CTNNA3: variants seen among roughly 807,000 people sequenced by gnomAD.
The protein encoded by CTNNA3 is catenin alpha-3.
In CTNNA3, 76 loss-of-function variants were observed where a neutral mutation model predicts 95.7. The ratio of observed to expected loss-of-function variants is 0.79; its 90% CI spans 0.66 to 0.96. CTNNA3 has a LOEUF of 0.96. Ranked by LOEUF, CTNNA3 falls within the 40% of genes least tolerant of loss-of-function variation. The pLI is 0.00. For missense variants in CTNNA3, 1,191 were observed against 1,089.8 expected, an observed-to-expected ratio of 1.09 and a Z score of -1.31; for synonymous variants, 431 against 374.4, an observed-to-expected ratio of 1.15 and a Z score of -1.74.
intron 6 of CTNNA3, among the ~76,000 whole-genome samples, chr10:67,193,839 C>T (rs774275108): frequency 4.9e-5 from 7 of 143,224 alleles, no homozygotes; most frequent in Non-Finnish European, 8.9e-5. Context: ...AATTTATATT[C>T]CTTTGGGTCA....
At chr10:66,535,438 G>A (rs1841617751) in intron 10 of CTNNA3, among the ~76,000 whole-genome samples, 1 of 152,164 alleles carries the variant, frequency 6.6e-6, no homozygotes, top group South Asian at 2.1e-4. Context: ...TTTCCTGGGA[G>A]TTGGACTATG....
intron 17 of CTNNA3, among the ~76,000 whole-genome samples, chr10:65,939,725 G>A (rs971988523): frequency 3.3e-5 from 5 of 151,916 alleles, no homozygotes; most frequent in Non-Finnish European, 5.9e-5. Context: ...TACATTATGC[G>A]CTCAAACTAC....
chr10:67,018,793 A>G (rs1852813655), intron 7 of CTNNA3, among the ~76,000 whole-genome samples: 1 of 152,268 alleles, frequency 6.6e-6, no homozygotes, highest in Admixed American at 6.5e-5. Context: ...AAAACAGTTC[A>G]TGGAAGGTGT....
At chr10:67,683,376 C>A (rs546625152) in intron 1 of CTNNA3, among the ~76,000 whole-genome samples, 68 of 152,242 alleles carry the variant, frequency 4.5e-4, no homozygotes, top group African/African-American at 1.6e-3. Flanking sequence ...GTATTTATCT[C>A]CAGACTAAGA....
chr10:67,256,706 A>C (rs1279863564), intron 5 of CTNNA3, among the ~76,000 whole-genome samples: 1 of 152,128 alleles, frequency 6.6e-6, no homozygotes, highest in African/African-American at 2.4e-5. Flanking sequence ...TTTATTTCCC[A>C]CCAGGAAGGA....
At chr10:66,469,543 G>C in intron 11 of CTNNA3, among the ~76,000 whole-genome samples, 1 of 151,818 alleles carries the variant, frequency 6.6e-6, no homozygotes, top group East Asian at 1.9e-4. Flanking sequence ...AAAATAGTGA[G>C]ATATCTACTT....
At chr10:65,952,113 T>C (rs2077629996) in intron 17 of CTNNA3, among the ~76,000 whole-genome samples, 1 of 152,054 alleles carries the variant, frequency 6.6e-6, no homozygotes, top group Non-Finnish European at 1.5e-5. Context: ...ATAAAGAGAT[T>C]ATTTCTAAGG....
At chr10:67,431,480 G>T (rs776162929) in intron 5 of CTNNA3, among the ~76,000 whole-genome samples, 1 of 151,916 alleles carries the variant, frequency 6.6e-6, no homozygotes, top group Non-Finnish European at 1.5e-5. Context: ...TTTTACAGAT[G>T]AGCAAGCAGT....
chr10:67,081,678 T>G (rs1857063699), intron 7 of CTNNA3, among the ~76,000 whole-genome samples: 1 of 152,176 alleles, frequency 6.6e-6, no homozygotes. Flanking sequence ...TCCTGCCATT[T>G]TGAGTAGTTC....
In CTNNA3 at chr10:67,454,914, T is replaced by C. The variant is rs148651473; in HGVS notation, c.579+66928A>G. Among the ~76,000 whole-genome samples the C allele has an allele frequency of 2.2e-4, 34 of 152,262 alleles. No individual in the cohort carries two copies. The East Asian group carries it at 6.0e-3, about 27-fold the overall frequency. ...TTTAGAGAATTACAAAATAAAGATATGACCCTAAAATCTACTTTAGTTTAT... is the reference window on the plus strand; with the variant it reads ...TTTAGAGAATTACAAAATAAAGATACGACCCTAAAATCTACTTTAGTTTAT... On this transcript the variant is annotated intron_variant, in intron 5 of 17. Coordinates refer to ENST00000433211, the MANE Select transcript of CTNNA3 (RefSeq NM_013266.4).
In CTNNA3 at chr10:67,501,861, C is replaced by A. The variant is rs190994588; in HGVS notation, c.579+19981G>T. Among the ~76,000 whole-genome samples, 1,427 of 152,228 alleles carry A rather than the reference C, an allele frequency of 9.4e-3. 38 individuals carry two copies. The highest frequency in any genetic ancestry group is 0.054 in the Admixed American group (830 of 15,288). ...AAACTGGTTATTCTAGTTAGCAATTCCTCTAACCTTTTTTCAAGGTTCTTA... is the reference window on the plus strand; with the variant it reads ...AAACTGGTTATTCTAGTTAGCAATTACTCTAACCTTTTTTCAAGGTTCTTA... On this transcript the variant is annotated intron_variant, in intron 5 of 17. Coordinates refer to ENST00000433211, the MANE Select transcript of CTNNA3 (RefSeq NM_013266.4).
At chr10:67,181,773 C>A (rs1171840900) in intron 6 of CTNNA3, among the ~76,000 whole-genome samples, 1 of 151,760 alleles carries the variant, frequency 6.6e-6, no homozygotes, top group African/African-American at 2.4e-5. Flanking sequence ...TTTTAAAAGC[C>A]ACAACTGCAG....
chr10:66,370,012 A>G (rs533982843), intron 12 of CTNNA3, among the ~76,000 whole-genome samples: 1 of 152,184 alleles, frequency 6.6e-6, no homozygotes, highest in South Asian at 2.1e-4. Context: ...ATTGTCAATT[A>G]AGTTCTGCTG....
rs943078067 is a variant in CTNNA3 at position 66,684,595 on chromosome 10, T to C, written c.1282-62811A>G. Among the ~76,000 whole-genome samples, 8 of 152,090 alleles carry C rather than the reference T, an allele frequency of 5.3e-5. 1 individual carries two copies. The highest frequency in any genetic ancestry group is 1.9e-4 in the African/African-American group (8 of 41,426). On this transcript the variant is annotated intron_variant, in intron 9 of 17. Coordinates refer to ENST00000433211, the MANE Select transcript of CTNNA3 (RefSeq NM_013266.4). Reference sequence around the variant, plus strand: ...TTAACATTTAACTGCTTTCTTATAATGAAGGCCAAAAAAACAAGCTGTCTC... The same window carrying C: ...TTAACATTTAACTGCTTTCTTATAACGAAGGCCAAAAAAACAAGCTGTCTC...
At chr10:66,393,736 C>T (rs1415882620) in intron 11 of CTNNA3, among the ~76,000 whole-genome samples, 1 of 151,968 alleles carries the variant, frequency 6.6e-6, no homozygotes, top group African/African-American at 2.4e-5. Context: ...GTAACATATA[C>T]ATAAGATTTT....
At chr10:66,280,224 C>G (rs1357681571) in intron 13 of CTNNA3, among the ~76,000 whole-genome samples, 1 of 152,046 alleles carries the variant, frequency 6.6e-6, no homozygotes, top group Non-Finnish European at 1.5e-5. Context: ...CCCAACAAAT[C>G]CTATCTTTTC....
chr10:66,842,376 T>C (rs1589319784), intron 7 of CTNNA3, among the ~76,000 whole-genome samples: 1 of 152,216 alleles, frequency 6.6e-6, no homozygotes, highest in East Asian at 1.9e-4. Flanking sequence ...GAAATAGGCA[T>C]GAAGAATCAG....
chr10:66,917,316 C>T (rs556231564), intron 7 of CTNNA3, among the ~76,000 whole-genome samples: 2 of 152,268 alleles, frequency 1.3e-5, no homozygotes, highest in East Asian at 3.9e-4. Context: ...CAAGAGTATC[C>T]TAAGCATTCC....
At chr10:67,172,715 T>C (rs1388241412) in intron 7 of CTNNA3, among the ~76,000 whole-genome samples, 1 of 152,168 alleles carries the variant, frequency 6.6e-6, no homozygotes, top group Non-Finnish European at 1.5e-5. Context: ...GGCTTACGCC[T>C]GTAATCCCAG....
Sources: gnomAD v4.1 joint callset for allele counts (sites outside exome capture counted in the v4.1 genomes callset) on GRCh38, gnomAD v4.1.1 for gene constraint, MANE v1.5 for transcripts, NCBI Gene and HGNC (gene_info 2026-07-23, HGNC 2026-07-21) for gene names.